TANK: variants seen among roughly 807,000 people sequenced by gnomAD.
The protein encoded by TANK is TRAF family member associated NFKB activator, also known as TRAF family member-associated NF-kappa-B activator.
Under a neutral mutation model 43.6 loss-of-function variants are expected in TANK, and 15 were observed. The observed-to-expected ratio is 0.34, with a 90% CI of 0.23 to 0.53. The LOEUF is 0.53. TANK is among the 20% of genes least tolerant of loss of function. The pLI is 0.94. For missense variants in TANK, 417 were observed against 498.6 expected (o/e 0.84, Z 1.56); for synonymous variants, 162 against 178.2 (o/e 0.91, Z 0.73).
chr2:161,152,093 A>C (rs951510815), intron 1 of TANK, among the ~76,000 whole-genome samples: 1 of 152,170 alleles, frequency 6.6e-6, no homozygotes, highest in African/African-American at 2.4e-5. Context: ...TGTTGTTGTC[A>C]CAAATTATAT....
At chr2:161,231,682 C>CA (rs1052572413) in intron 7 of TANK, 131 bp downstream of exon 7, 5 of 796,022 alleles carry the variant, frequency 6.3e-6, no homozygotes, top group South Asian at 3.6e-5. Context: ...TTAAGGCTTT[C>CA]AAAAAAACAA....
chr2:161,188,376 A>G (rs201192047), intron 2 of TANK, among the ~76,000 whole-genome samples: 1 of 152,168 alleles, frequency 6.6e-6, no homozygotes, highest in East Asian at 1.9e-4. Flanking sequence ...ACAAAAGTTA[A>G]AAATATCATA....
upstream of TANK, among the ~76,000 whole-genome samples, chr2:161,158,579 C>T (rs1684285125): frequency 6.6e-6 from 1 of 152,172 alleles, no homozygotes; most frequent in South Asian, 2.1e-4. Flanking sequence ...GTTTTTAGCA[C>T]CTCCATATTT....
chr2:161,189,234 A>G (rs1331810940), intron 2 of TANK, among the ~76,000 whole-genome samples: 3 of 152,198 alleles, frequency 2.0e-5, no homozygotes, highest in African/African-American at 4.8e-5. Context: ...GGTTCAGCAT[A>G]CAAAACTAGT....
intron 4 of TANK, among the ~76,000 whole-genome samples, chr2:161,217,585 T>TGTGTG (rs1687170974): frequency 7.3e-6 from 1 of 136,556 alleles, no homozygotes. Context: ...GGTAGTTGGT[T>TGTGTG]TGTGTGTGTG....
chr2:161,140,998 A>G (rs899438895), intron 1 of TANK, among the ~76,000 whole-genome samples: 2 of 152,142 alleles, frequency 1.3e-5, no homozygotes, highest in African/African-American at 2.4e-5. Flanking sequence ...ATATGGGTAC[A>G]TTATTATTAA....
chr2:161,192,960 C>T (rs990849289), intron 2 of TANK, among the ~76,000 whole-genome samples: 3 of 152,172 alleles, frequency 2.0e-5, no homozygotes, highest in Admixed American at 1.3e-4. Flanking sequence ...CTTCCCATTG[C>T]TATGAATAAC....
At position 161,179,526 on chromosome 2, in the gene TANK, A is replaced by G. The variant is rs140209750; in HGVS notation, c.-49-88A>G. 6.8e-5 allele frequency: 80 copies of G among 1,180,256 alleles called. 1 individual carries two copies. In the East Asian group the frequency reaches 2.2e-3, roughly 32 times the overall value. 73.1% of individuals were successfully genotyped at this position (1,180,256 alleles called of 1,614,324 possible). On this transcript the variant is annotated intron_variant, in intron 1 of 7. Coordinates refer to ENST00000392749, the MANE Select transcript of TANK (RefSeq NM_001199135.3). ...ACTTGGTGGTATAATGTTTGTGGTAAACCTTATAGAACTATCTTTAAGATG... is the reference window on the plus strand; with the variant it reads ...ACTTGGTGGTATAATGTTTGTGGTAGACCTTATAGAACTATCTTTAAGATG...
intron 2 of TANK, among the ~76,000 whole-genome samples, chr2:161,192,824 A>G (rs1165979238): frequency 6.6e-6 from 1 of 152,234 alleles, no homozygotes; most frequent in Non-Finnish European, 1.5e-5. Flanking sequence ...ACCTAGACTC[A>G]GAAATGTTGA....
chr2:161,165,710 T>TA (rs1449245311), intron 1 of TANK, among the ~76,000 whole-genome samples: 1 of 152,220 alleles, frequency 6.6e-6, no homozygotes, highest in African/African-American at 2.4e-5. Flanking sequence ...TCCTTCTTTA[T>TA]ATGATTTATG....
rs963730755 is a variant in TANK at position 161,182,126 on chromosome 2, TA to T, written c.99+2376del. Among the ~76,000 whole-genome samples, 434 of 147,790 alleles carry T rather than the reference TA, an allele frequency of 2.9e-3. 1 individual carries two copies. Among genetic ancestry groups the T allele is most frequent in the African/African-American group, 9.6e-3 (388 of 40,524 alleles). Reference sequence around the variant, plus strand: ...AGGTTTAAGGCATAACCATTTTTATTAAAAAAAAAAATCTCAGAGTTTATTC... The same window carrying T: ...AGGTTTAAGGCATAACCATTTTTATTAAAAAAAAAATCTCAGAGTTTATTC... On this transcript the variant is annotated intron_variant, in intron 2 of 7. Transcript: ENST00000392749.
At chr2:161,187,984 A>G (rs894956548) in intron 2 of TANK, among the ~76,000 whole-genome samples, 8 of 152,230 alleles carry the variant, frequency 5.3e-5, no homozygotes, top group Non-Finnish European at 8.8e-5. Flanking sequence ...CACAAGGGAA[A>G]TTAGAATGAA....
intron 1 of TANK, among the ~76,000 whole-genome samples, chr2:161,175,620 T>C (rs1685142077): frequency 6.6e-6 from 1 of 152,006 alleles, no homozygotes; most frequent in South Asian, 2.1e-4. Flanking sequence ...GAAGAGAAAA[T>C]TATCTTTCTT....
At chr2:161,142,242 T>C (rs1681433296) in intron 1 of TANK, among the ~76,000 whole-genome samples, 1 of 152,150 alleles carries the variant, frequency 6.6e-6, no homozygotes, top group African/African-American at 2.4e-5. Context: ...TTCAGATGGG[T>C]AGATTGCAAA....
intron 7 of TANK, chr2:161,232,582 C>T: frequency 1.1e-6 from 1 of 897,852 alleles, no homozygotes. Flanking sequence ...CTTTATTTCA[C>T]ATCATAGTCT....
intron 4 of TANK, among the ~76,000 whole-genome samples, chr2:161,214,613 T>G (rs547438798): frequency 1.3e-4 from 20 of 152,192 alleles, no homozygotes; most frequent in Non-Finnish European, 2.1e-4. Flanking sequence ...TATTCATTGT[T>G]TTTGCATCAT....
chr2:161,229,559 G>T (rs564635307), intron 6 of TANK, among the ~76,000 whole-genome samples: 22 of 151,998 alleles, frequency 1.4e-4, no homozygotes, highest in African/African-American at 5.3e-4. Context: ...GAGGCAGTAG[G>T]TATATAACAA....
At chr2:161,150,311 T>C (rs532797141) in intron 1 of TANK, among the ~76,000 whole-genome samples, 2 of 152,308 alleles carry the variant, frequency 1.3e-5, no homozygotes, top group East Asian at 1.9e-4. Context: ...TTCTATTTGG[T>C]TGGTGGTAAT....
intron 2 of TANK, chr2:161,200,254 G>A: frequency 1.6e-6 from 1 of 639,200 alleles, no homozygotes; most frequent in Non-Finnish European, 1.9e-6. Flanking sequence ...TGAGTTTTCT[G>A]TTTCGTGGGG....
Sources: allele counts gnomAD v4.1 joint callset (sites outside exome capture counted in the v4.1 genomes callset), GRCh38; gene constraint gnomAD v4.1.1; transcripts MANE v1.5; gene names NCBI Gene and HGNC (gene_info 2026-07-23, HGNC 2026-07-21).